The following SMARCAL1 variants were observed in gnomAD, a reference collection of about 807,000 sequenced individuals.
The protein encoded by SMARCAL1 is SNF2 related chromatin remodeling annealing helicase 1.
In SMARCAL1, 58 loss-of-function variants were observed where a neutral mutation model predicts 94.5. The ratio of observed to expected loss-of-function variants is 0.61; its 90% CI spans 0.50 to 0.76. SMARCAL1 has a LOEUF of 0.76. Among genes scored for constraint, SMARCAL1 ranks in the 30% least tolerant of loss-of-function variants. The pLI is 0.00. For synonymous variants in SMARCAL1, 422 were observed against 455.1 expected (o/e 0.93, Z 0.93); for missense variants, 1,051 against 1,177.9 (o/e 0.89, Z 1.58).
chr2:216,434,673 A>G (rs967763570), intron 8 of SMARCAL1, among the ~76,000 whole-genome samples: 5 of 82,188 alleles, frequency 6.1e-5, no homozygotes, highest in African/African-American at 3.5e-4. Flanking sequence ...CATCTCTTTG[A>G]AAAAAAAAAA....
rs755708465 is a variant in SMARCAL1, at chr2:216,420,323, C to A, written c.887C>A (p.Thr296Lys). The A allele has an allele frequency of 6.2e-7, 1 of 1,613,990 alleles. No individual in the cohort carries two copies. The highest frequency in any genetic ancestry group is 8.5e-7 in the Non-Finnish European group (1 of 1,179,994). The part of the protein sequence containing the change: ...ALMKAAQSLP[T>K]VNLQPLEWAY... ...GTGAAAGCAGCCCAGAGCCTCCCCA[C>A]GGTCAACCTGCAGCCTCTGGAATGG... The change falls in exon 5 of 18, where the codon ACG (threonine) becomes AAG (lysine). Residue 296 changes from threonine (T) to lysine (K), a missense_variant. By Grantham distance (78) the Thr-to-Lys change is moderately conservative. Coordinates refer to ENST00000357276, the MANE Select transcript of SMARCAL1 (RefSeq NM_014140.4).
chr2:216,460,019 G>C (rs533275726), intron 12 of SMARCAL1, among the ~76,000 whole-genome samples: 1 of 152,092 alleles, frequency 6.6e-6, no homozygotes, highest in African/African-American at 2.4e-5. Context: ...TCAACAAGCG[G>C]GCAAAGGATA....
In SMARCAL1 at chr2:216,482,891, G is replaced by A; in HGVS notation, c.2779G>A (p.Asp927Asn). ...TTCCCAGAACATGGGAGACACCCTG[G>A]ATGAAAGCTCATTGACAGCCAGTCC... ...SSSQNMGDTL[D>N]ESSLTASPQK... The change falls in exon 18 of 18, where the codon GAT becomes AAT. Residue 927 changes from aspartate (D) to asparagine (N), a missense_variant. Asp to Asn is a conservative substitution (Grantham distance 23). Around this residue, in one of 3 missense-constraint regions of SMARCAL1, gnomAD observed 642 missense variants for 754.7 expected, o/e 0.85. Transcript: ENST00000357276. The surrounding 1 kb of genome is among the most constrained non-coding windows in gnomAD (Gnocchi z 4.3). 1 of 1,614,156 alleles carries A rather than the reference G, an allele frequency of 6.2e-7. No individual in the cohort carries two copies. The highest frequency in any genetic ancestry group is 8.5e-7 in the Non-Finnish European group (1 of 1,180,036).
At chr2:216,451,259 T>C (rs1245175452) in intron 12 of SMARCAL1, 195 bp downstream of exon 12, 2 of 616,266 alleles carry the variant, frequency 3.2e-6, no homozygotes, top group Non-Finnish European at 5.9e-6. Context: ...CATATTAAGT[T>C]GTGGTTTTAT....
chr2:216,416,909 C>T (rs1310453682), intron 4 of SMARCAL1, among the ~76,000 whole-genome samples: 1 of 152,220 alleles, frequency 6.6e-6, no homozygotes, highest in Admixed American at 6.5e-5. Context: ...CACCTGGTTA[C>T]GTCCCTCTGT....
chr2:216,473,612 A>G (rs540233180), intron 14 of SMARCAL1, among the ~76,000 whole-genome samples: 2 of 152,288 alleles, frequency 1.3e-5, no homozygotes, highest in Non-Finnish European at 2.9e-5. Flanking sequence ...AGTTTTACTT[A>G]TAATGTGTTT....
chr2:216,477,275 C>T (rs1335786573), intron 16 of SMARCAL1, 66 bp downstream of exon 16: 18 of 1,194,784 alleles, frequency 1.5e-5, no homozygotes, highest in Non-Finnish European at 2.1e-5. Context: ...GATATGTTTA[C>T]TTTGCTCCCA....
chr2:216,421,544 CA>C (rs1256520682), intron 5 of SMARCAL1, among the ~76,000 whole-genome samples: 1 of 152,092 alleles, frequency 6.6e-6, no homozygotes. Context: ...CTTGGCCTCC[CA>C]AAATGCTGGG....
At chr2:216,436,441 C>G (rs1694084873) in intron 9 of SMARCAL1, among the ~76,000 whole-genome samples, 1 of 152,204 alleles carries the variant, frequency 6.6e-6, no homozygotes, top group Admixed American at 6.5e-5. Context: ...ATAACTCACA[C>G]AAATATTGTG....
chr2:216,433,202 T>G lies in SMARCAL1; in HGVS notation c.1485+334T>G, dbSNP rs189058853. Among the ~76,000 whole-genome samples, 589 of 152,236 alleles carry G rather than the reference T, an allele frequency of 3.9e-3. 32 individuals carry two copies. In the South Asian group the frequency reaches 0.11, roughly 28 times the overall value. On this transcript the variant is annotated intron_variant, in intron 8 of 17. Coordinates refer to ENST00000357276, the MANE Select transcript of SMARCAL1 (RefSeq NM_014140.4). The stretch of plus-strand genomic sequence containing the variant: ...TTTTTTTTATTTTTCTTTTTTATTG[T>G]TTTTTAAAATTTTTATTTATTTTGA...
At chr2:216,445,732 A>G (rs1694299912) in intron 10 of SMARCAL1, among the ~76,000 whole-genome samples, 1 of 152,202 alleles carries the variant, frequency 6.6e-6, no homozygotes, top group South Asian at 2.1e-4. Context: ...AGGTAATTGA[A>G]CTGTGGAAAA....
intron 8 of SMARCAL1, among the ~76,000 whole-genome samples, chr2:216,433,432 A>G (rs578091739): frequency 6.6e-6 from 1 of 152,250 alleles, no homozygotes; most frequent in Admixed American, 6.5e-5. Context: ...CAATCCCATG[A>G]CAGTCCTGTG....
intron 12 of SMARCAL1, among the ~76,000 whole-genome samples, chr2:216,458,819 G>A (rs997418722): frequency 2.2e-4 from 33 of 152,182 alleles, no homozygotes; most frequent in Non-Finnish European, 4.1e-4. Flanking sequence ...CATAGTGTTG[G>A]AAGTTCTGGC....
At position 216,447,092 on chromosome 2, in the gene SMARCAL1, C is replaced by T. The variant is rs145825654; in HGVS notation, c.1785C>T (p.Ile595=). The change falls in exon 11 of 18, where the codon ATC becomes ATT. Residue 595 remains isoleucine (I), a synonymous_variant. Coordinates refer to ENST00000357276, the MANE Select transcript of SMARCAL1 (RefSeq NM_014140.4). The stretch of plus-strand genomic sequence containing the variant: ...CCGCAGAGCTCTACACGCAGATCAT[C>T]GCAGTCAAGCCAACTTTCTTCCCCC... ...SRPAELYTQI[I]AVKPTFFPQF... 1.9e-4 allele frequency: 300 copies of T among 1,614,056 alleles called. 1 individual carries two copies. The highest frequency in any genetic ancestry group is 1.8e-3 in the Admixed American group (107 of 60,020).
intron 7 of SMARCAL1, among the ~76,000 whole-genome samples, chr2:216,431,306 G>A (rs555292288): frequency 6.6e-6 from 1 of 152,358 alleles, no homozygotes; most frequent in East Asian, 1.9e-4. Context: ...TGTGTGAGAA[G>A]GAAAGAGAAA....
At position 216,419,426 on chromosome 2, in the gene SMARCAL1, C is replaced by T. The variant is rs538876133; in HGVS notation, c.863-873C>T. Among the ~76,000 whole-genome samples, 53 of 152,130 alleles carry T rather than the reference C, an allele frequency of 3.5e-4. 1 individual carries two copies. The highest frequency in any genetic ancestry group is 2.1e-4 in the South Asian group (1 of 4,816). Reference sequence around the variant, plus strand: ...TTTACTCAGGGTTTTTTTCCTTTCACTCCAGTGTGTGTCTGTTGACAGCTT... The same window carrying T: ...TTTACTCAGGGTTTTTTTCCTTTCATTCCAGTGTGTGTCTGTTGACAGCTT... On this transcript the variant is annotated intron_variant, in intron 4 of 17. Transcript: ENST00000357276.
At chr2:216,473,827 A>G (rs1175041817) in intron 14 of SMARCAL1, among the ~76,000 whole-genome samples, 3 of 152,186 alleles carry the variant, frequency 2.0e-5, no homozygotes, top group South Asian at 2.1e-4. Context: ...CAACACAACA[A>G]TTGACTTTTG....
chr2:216,457,650 A>G (rs1230205176), intron 12 of SMARCAL1, among the ~76,000 whole-genome samples: 2 of 152,220 alleles, frequency 1.3e-5, no homozygotes, highest in African/African-American at 4.8e-5. Context: ...GAGAACAAAG[A>G]CAGAACATAC....
rs71577872 is a variant in SMARCAL1 at position 216,416,153 on chromosome 2, T to C, written c.812-104T>C. 106,114 of 903,320 alleles carry C rather than the reference T, an allele frequency of 0.12. 7,203 individuals are homozygous for C. Among genetic ancestry groups the C allele is most frequent in the South Asian group, 0.19 (14,151 of 76,280 alleles). 56.0% of individuals were successfully genotyped at this position (903,320 alleles called of 1,614,324 possible). On this transcript the variant is annotated intron_variant, in intron 3 of 17. Transcript: ENST00000357276. ...GATCAGTGGGGGCTTGCTGGTCAGC[T>C]GTTTTGAACTTGGCGTCCTTCATTC...
Sources: allele counts gnomAD v4.1 joint callset (sites outside exome capture counted in the v4.1 genomes callset), GRCh38; gene constraint gnomAD v4.1.1; regional missense constraint gnomAD v4.1.1; non-coding constraint Gnocchi (gnomAD v3.1); transcripts MANE v1.5; gene names NCBI Gene and HGNC (gene_info 2026-07-23, HGNC 2026-07-21).